The following PDLIM1 variants were observed in gnomAD, a reference collection of about 807,000 sequenced individuals.
PDLIM1 encodes PDZ and LIM domain 1, also known as PDZ and LIM domain protein 1.
In PDLIM1, 25 loss-of-function variants were observed where a neutral mutation model predicts 35.2. The observed-to-expected ratio is 0.71, with a 90% confidence interval of 0.52 to 0.99. The LOEUF (loss-of-function observed/expected upper bound fraction) is 0.99, where lower values mean the gene tolerates loss of function less well. Ranked by LOEUF, PDLIM1 falls within the 50% of genes least tolerant of loss-of-function variation. The probability of loss-of-function intolerance (pLI) is 0.00; values close to 1 mark genes in which losing one functional copy is unlikely to be tolerated. For synonymous variants in PDLIM1, 152 were observed against 154.0 expected (o/e 0.99, Z 0.10); for missense variants, 363 against 415.3 (o/e 0.87, Z 1.09).
chr10:95,241,474 G>A (rs1194076180), intron 5 of PDLIM1, among the ~76,000 whole-genome samples: 1 of 152,130 alleles, frequency 6.6e-6, no homozygotes, highest in African/African-American at 2.4e-5. Flanking sequence ...TTGTCTCCTA[G>A]AGAGCAGTTT....
chr10:95,272,309 C>T (rs2035471891), intron 1 of PDLIM1, among the ~76,000 whole-genome samples: 1 of 152,126 alleles, frequency 6.6e-6, no homozygotes, highest in Non-Finnish European at 1.5e-5. Context: ...AAAGTGGAAA[C>T]ACTGCACACT....
intron 4 of PDLIM1, among the ~76,000 whole-genome samples, chr10:95,257,096 A>C (rs539761919): frequency 6.6e-6 from 1 of 151,940 alleles, no homozygotes; most frequent in South Asian, 2.1e-4. Context: ...TAAAACTTCT[A>C]AAAGAAAACA....
chr10:95,241,694 A>G (rs2035179813), intron 5 of PDLIM1, among the ~76,000 whole-genome samples: 1 of 152,204 alleles, frequency 6.6e-6, no homozygotes, highest in Non-Finnish European at 1.5e-5. Context: ...TGAGCCTTAT[A>G]CAGGCAAAAG....
chr10:95,278,741 G>A (rs2035536810), intron 1 of PDLIM1, among the ~76,000 whole-genome samples: 1 of 152,182 alleles, frequency 6.6e-6, no homozygotes, highest in Non-Finnish European at 1.5e-5. Flanking sequence ...ATCTGACATT[G>A]ACTGCCCAGT....
chr10:95,277,923 T>C (rs1440207966), intron 1 of PDLIM1, among the ~76,000 whole-genome samples: 1 of 152,238 alleles, frequency 6.6e-6, no homozygotes, highest in African/African-American at 2.4e-5. Context: ...CGGATGATGA[T>C]GTAGCTCTCC....
chr10:95,271,536 A>C, intron 2 of PDLIM1, 97 bp downstream of exon 2: 1 of 1,012,500 alleles, frequency 9.9e-7, no homozygotes, highest in Non-Finnish European at 1.5e-6. Context: ...GCACTGAGCT[A>C]GGAGGTCTGG....
At chr10:95,286,421 T>C (rs1480747132) in intron 1 of PDLIM1, among the ~76,000 whole-genome samples, 2 of 152,166 alleles carry the variant, frequency 1.3e-5, no homozygotes, top group African/African-American at 2.4e-5. Flanking sequence ...TTGCTTATTA[T>C]TTTATTTTAT....
intron 1 of PDLIM1, among the ~76,000 whole-genome samples, chr10:95,287,499 C>G (rs2035612837): frequency 6.6e-6 from 1 of 152,152 alleles, no homozygotes; most frequent in African/African-American, 2.4e-5. Context: ...AGCAACTCCT[C>G]CAACTAAGGG....
At chr10:95,263,230 C>A (rs2035381827) in intron 4 of PDLIM1, among the ~76,000 whole-genome samples, 1 of 152,036 alleles carries the variant, frequency 6.6e-6, no homozygotes, top group South Asian at 2.1e-4. Context: ...CCCAGCAAGG[C>A]ACTTCCTCAG....
In PDLIM1 at chr10:95,249,832, T is replaced by G. The variant is rs1489842568; in HGVS notation, c.534-2466A>C. Among the ~76,000 whole-genome samples the G allele has an allele frequency of 3.3e-5, 5 of 152,206 alleles. No homozygotes were observed. The East Asian group carries it at 9.6e-4, about 29-fold the overall frequency. The stretch of plus-strand genomic sequence containing the variant: ...AGGAAAAGGCACCCAAAGAGTGGCA[T>G]ATGCTTCATGGCTACCAAAGAAGGT... On this transcript the variant is annotated intron_variant, in intron 4 of 6. Transcript: ENST00000329399.
chr10:95,263,947 G>C lies in PDLIM1; in HGVS notation c.450C>G (p.Leu150=). 1 of 1,613,938 alleles carries C rather than the reference G, an allele frequency of 6.2e-7. No homozygotes were observed. Among genetic ancestry groups the C allele is most frequent in the Non-Finnish European group, 8.5e-7 (1 of 1,179,940 alleles). ...AGTTGGAGATATTTTCAGAAGAGTA[G>C]AGGCCAGCTGGGTTGTTGTACTGGT... ...ITNQYNNPAG[L]YSSENISNFN... The change falls in exon 4 of 7, where the codon CTC becomes CTG. Residue 150 remains leucine, a synonymous_variant. Coordinates refer to ENST00000329399, the MANE Select transcript of PDLIM1 (RefSeq NM_020992.4).
Position 95,264,029 on chromosome 10 carries a change from C to G in PDLIM1, c.368G>C (p.Ser123Thr), listed in dbSNP as rs370057894. Residue 123 changes from serine to threonine, a missense_variant, in exon 4 of 7, where the codon AGT becomes ACT. By Grantham distance (58) the Ser-to-Thr change is moderately conservative. Coordinates refer to ENST00000329399, the MANE Select transcript of PDLIM1 (RefSeq NM_020992.4). Reference protein sequence around the residue: ...VLHIGSAHNRSAMPFTASPAS... With the variant: ...VLHIGSAHNRTAMPFTASPAS... ...AGGCGAGGCGGTAAAGGGCATGGCA[C>G]TTCGGTTGTGGGCGCTTCCTATGTG... 3 of 1,613,618 alleles carry G rather than the reference C, an allele frequency of 1.9e-6. No individual in the cohort carries two copies. Among genetic ancestry groups the G allele is most frequent in the Non-Finnish European group, 2.5e-6 (3 of 1,179,874 alleles).
intron 1 of PDLIM1, among the ~76,000 whole-genome samples, chr10:95,277,338 G>A (rs928942425): frequency 6.6e-6 from 1 of 152,008 alleles, no homozygotes; most frequent in Non-Finnish European, 1.5e-5. Flanking sequence ...GAATAAATGG[G>A]GACAGGCACA....
chr10:95,248,291 C>G (rs958361003), intron 4 of PDLIM1, among the ~76,000 whole-genome samples: 6 of 152,204 alleles, frequency 3.9e-5, no homozygotes, highest in African/African-American at 1.4e-4. Flanking sequence ...GTCACCCAGG[C>G]TGGAGTACAG....
rs1845011021 is a variant in PDLIM1 at position 95,237,694 on chromosome 10, A to C, written c.*231T>G. ...GAAGAACGGTGGGGCGAAGGGACAC[A>C]GTGTTGCTGACAAGGTGACACTGAA... On this transcript the variant is annotated 3_prime_UTR_variant, in exon 7 of 7. Transcript: ENST00000329399. 5.7e-6 allele frequency: 3 copies of C among 522,712 alleles called. No individual in the cohort carries two copies. The South Asian group carries it at 8.5e-5, about 15-fold the overall frequency. The allele number at this position is 522,712 out of a possible 1,614,324, so 32.4% of individuals were successfully genotyped here.
chr10:95,277,540 G>T (rs2035522595), intron 1 of PDLIM1, among the ~76,000 whole-genome samples: 1 of 152,054 alleles, frequency 6.6e-6, no homozygotes, highest in Non-Finnish European at 1.5e-5. Flanking sequence ...TTACTCAGGG[G>T]GCTGAGACAG....
chr10:95,251,138 C>T (rs1371972414), intron 4 of PDLIM1, among the ~76,000 whole-genome samples: 4 of 152,006 alleles, frequency 2.6e-5, no homozygotes, highest in Non-Finnish European at 5.9e-5. Context: ...GAAAGCAGTA[C>T]GCCCATGGCT....
intron 1 of PDLIM1, among the ~76,000 whole-genome samples, chr10:95,283,676 C>G (rs1356700295): frequency 6.6e-6 from 1 of 152,174 alleles, no homozygotes; most frequent in Non-Finnish European, 1.5e-5. Flanking sequence ...ATTGTCCGAT[C>G]TTTTAAACAA....
intron 1 of PDLIM1, among the ~76,000 whole-genome samples, chr10:95,278,606 T>C (rs1468634175): frequency 6.8e-6 from 1 of 147,936 alleles, no homozygotes; most frequent in Non-Finnish European, 1.5e-5. Flanking sequence ...GGAAAGAGCA[T>C]GCCAAGTCTC....
Sources: gnomAD v4.1 joint callset for allele counts (sites outside exome capture counted in the v4.1 genomes callset) on GRCh38, gnomAD v4.1.1 for gene constraint, MANE v1.5 for transcripts, NCBI Gene and HGNC (gene_info 2026-07-23, HGNC 2026-07-21) for gene names.